SCRG1: variants seen among roughly 807,000 people sequenced by gnomAD.
SCRG1 encodes scrapie-responsive protein 1.
A neutral mutation model predicts 7.7 loss-of-function variants in SCRG1; 3 were observed. The ratio of observed to expected loss-of-function variants is 0.39; its 90% CI spans 0.18 to 1.01. The LOEUF (loss-of-function observed/expected upper bound fraction) is 1.01. SCRG1 is among the 50% of genes least tolerant of loss of function. The pLI is 0.36. For synonymous variants in SCRG1, 46 were observed against 41.2 expected (o/e 1.12, Z -0.44); for missense variants, 110 against 117.2 (o/e 0.94, Z 0.28).
At chr4:173,434,553 G>A in the SCRG1 span, among the ~76,000 whole-genome samples, 12 of 152,282 alleles carry the variant, frequency 7.9e-5, 1 homozygote, top group East Asian at 7.7e-4. Context: ...CTAAATTGCC[G>A]GGCGTGGTGG....
chr4:173,508,063 G>C, the SCRG1 span, among the ~76,000 whole-genome samples: 2 of 152,208 alleles, frequency 1.3e-5, no homozygotes, highest in Admixed American at 6.5e-5. The surrounding 1 kb of genome is among the most constrained non-coding windows in gnomAD (Gnocchi z 4.4). Flanking sequence ...TGAGAAGAGA[G>C]GGAGGGGCAA....
At chr4:173,470,362 C>T in the SCRG1 span, among the ~76,000 whole-genome samples, 1 of 152,140 alleles carries the variant, frequency 6.6e-6, no homozygotes, top group Non-Finnish European at 1.5e-5. Flanking sequence ...CATAATCCCT[C>T]CTTTGTGGAG....
At chr4:173,485,082 A>AATATAAT in the SCRG1 span, among the ~76,000 whole-genome samples, 1 of 8,790 alleles carries the variant, frequency 1.1e-4, no homozygotes, top group African/African-American at 3.2e-4. Context: ...TATATTATAT[A>AATATAAT]ATATATTATA....
chr4:173,454,463 T>C, the SCRG1 span, among the ~76,000 whole-genome samples: 1 of 152,204 alleles, frequency 6.6e-6, no homozygotes, highest in African/African-American at 2.4e-5. Context: ...CTGAATTTTT[T>C]CCACATGGGA....
chr4:173,510,809 T>C, the SCRG1 span, among the ~76,000 whole-genome samples: 1 of 152,166 alleles, frequency 6.6e-6, no homozygotes, highest in African/African-American at 2.4e-5. The surrounding 1 kb of genome is among the most constrained non-coding windows in gnomAD (Gnocchi z 5.7). Flanking sequence ...AAAGTGCCTG[T>C]CCACGTTGTC....
chr4:173,392,066 G>A (rs1337878094), intron 1 of SCRG1, among the ~76,000 whole-genome samples: 1 of 152,170 alleles, frequency 6.6e-6, no homozygotes, highest in Non-Finnish European at 1.5e-5. Context: ...CAAATTTCTA[G>A]AACAAATAAC....
At chr4:173,410,545 C>T (rs1026672453), upstream of SCRG1, among the ~76,000 whole-genome samples, 5 of 152,178 alleles carry the variant, frequency 3.3e-5, 1 homozygote, top group East Asian at 3.8e-4. Flanking sequence ...AGTTAATTCT[C>T]AGGTTTCTGT....
At chr4:173,467,235 G>GAC in the SCRG1 span, among the ~76,000 whole-genome samples, 1 of 151,296 alleles carries the variant, frequency 6.6e-6, no homozygotes, top group Non-Finnish European at 1.5e-5. Flanking sequence ...CAGTCCATTG[G>GAC]AAAAAAAAAG....
At chr4:173,431,805 A>G in the SCRG1 span, among the ~76,000 whole-genome samples, 5 of 152,224 alleles carry the variant, frequency 3.3e-5, no homozygotes, top group African/African-American at 7.2e-5. Flanking sequence ...ATGTTTTATC[A>G]TAGTATGAAT....
At chr4:173,463,629 G>T in the SCRG1 span, among the ~76,000 whole-genome samples, 1 of 152,154 alleles carries the variant, frequency 6.6e-6, no homozygotes, top group Non-Finnish European at 1.5e-5. Context: ...CAGTAGACAG[G>T]AATTCTTATT....
chr4:173,421,056 C>G, the SCRG1 span, among the ~76,000 whole-genome samples: 7,423 of 152,200 alleles, frequency 0.049, 248 homozygotes, highest in South Asian at 0.085. Flanking sequence ...GGTTTATTCT[C>G]TCTGGCTTGA....
chr4:173,389,052 T>C (rs557992914), intron 2 of SCRG1, among the ~76,000 whole-genome samples: 1 of 152,230 alleles, frequency 6.6e-6, no homozygotes, highest in East Asian at 1.9e-4. Flanking sequence ...CAGTAAACTG[T>C]TTTCAAGTCA....
chr4:173,502,733 T>C, the SCRG1 span, among the ~76,000 whole-genome samples: 1 of 152,168 alleles, frequency 6.6e-6, no homozygotes, highest in Admixed American at 6.5e-5. This position sits in a 1 kb window ranked among gnomAD's most constrained non-coding sequence, Gnocchi z 4.6. Context: ...GAATCCAGGC[T>C]GCTCCATTTT....
chr4:173,390,964 T>C (rs1191361565), intron 2 of SCRG1, among the ~76,000 whole-genome samples: 1 of 152,260 alleles, frequency 6.6e-6, no homozygotes, highest in Non-Finnish European at 1.5e-5. Flanking sequence ...TTTACTTTTA[T>C]TAAACTCAGC....
At chr4:173,483,277 A>ATATATGATATATCATATATGATATATC in the SCRG1 span, among the ~76,000 whole-genome samples, 1 of 40,574 alleles carries the variant, frequency 2.5e-5, no homozygotes, top group African/African-American at 7.4e-5. Context: ...TATGATATAT[A>ATATATGATATATCATATATGATATATC]ATATATGATA....
the SCRG1 span, among the ~76,000 whole-genome samples, chr4:173,445,666 G>GAT: frequency 6.7e-6 from 1 of 149,956 alleles, no homozygotes; most frequent in Non-Finnish European, 1.5e-5. Flanking sequence ...ACTCTTTAAG[G>GAT]ATATTTTTTT....
At chr4:173,465,758 T>A in the SCRG1 span, among the ~76,000 whole-genome samples, 1 of 152,080 alleles carries the variant, frequency 6.6e-6, no homozygotes, top group Non-Finnish European at 1.5e-5. Flanking sequence ...AAATTTATAT[T>A]CTTTTTTCTC....
At chr4:173,505,486 G>T in the SCRG1 span, among the ~76,000 whole-genome samples, 1 of 152,140 alleles carries the variant, frequency 6.6e-6, no homozygotes, top group East Asian at 1.9e-4. The surrounding 1 kb of genome is among the most constrained non-coding windows in gnomAD (Gnocchi z 4.4). Flanking sequence ...TGAAGAAAAA[G>T]GGAAAGGGGA....
the SCRG1 span, among the ~76,000 whole-genome samples, chr4:173,457,196 G>A: frequency 9.9e-5 from 15 of 152,180 alleles, no homozygotes; most frequent in Non-Finnish European, 2.2e-4. Context: ...AGGGCAGAGG[G>A]GACTTTTCCA....
Sources: allele counts gnomAD v4.1 joint callset (sites outside exome capture counted in the v4.1 genomes callset), GRCh38; gene constraint gnomAD v4.1.1; non-coding constraint Gnocchi (gnomAD v3.1); transcripts MANE v1.5; gene names NCBI Gene and HGNC (gene_info 2026-07-23, HGNC 2026-07-21).